Variants in FOXJ3 observed in about 807,000 individuals in gnomAD.
FOXJ3 encodes the protein forkhead box J3.
A neutral mutation model predicts 76.1 loss-of-function variants in FOXJ3; 22 were observed. The observed-to-expected ratio is 0.29, with a 90% CI of 0.21 to 0.41. The LOEUF (loss-of-function observed/expected upper bound fraction) is 0.41. FOXJ3 is among the 10% of genes least tolerant of loss of function. The pLI is 1.00. For synonymous variants in FOXJ3, 269 were observed against 261.2 expected, an observed-to-expected ratio of 1.03 and a Z score of -0.29; for missense variants, 613 against 762.1, an observed-to-expected ratio of 0.80 and a Z score of 2.30.
chr1:42,296,104 TTGAG>T (rs950171021), intron 2 of FOXJ3, among the ~76,000 whole-genome samples: 1 of 152,212 alleles, frequency 6.6e-6, no homozygotes, highest in African/African-American at 2.4e-5. Flanking sequence ...ATTAGTAATG[TTGAG>T]TATTTTTTTC....
intron 2 of FOXJ3, among the ~76,000 whole-genome samples, chr1:42,288,113 A>T (rs967789966): frequency 1.3e-5 from 2 of 152,248 alleles, no homozygotes; most frequent in African/African-American, 4.8e-5. Context: ...TTGAACATTA[A>T]CCAAATGTTT....
intron 5 of FOXJ3, among the ~76,000 whole-genome samples, chr1:42,215,965 A>C (rs1247613965): frequency 6.6e-6 from 1 of 152,132 alleles, no homozygotes; most frequent in African/African-American, 2.4e-5. Context: ...CAGCCTGGTC[A>C]ACATAGTGAG....
chr1:42,179,912 G>T, intron 12 of FOXJ3, 87 bp from the exon 13 acceptor site: 1 of 805,192 alleles, frequency 1.2e-6, no homozygotes, highest in South Asian at 1.5e-5. Context: ...CTTCCTATAT[G>T]CCAGGCACAC....
At chr1:42,220,177 C>A (rs141993162) in intron 5 of FOXJ3, among the ~76,000 whole-genome samples, 32 of 152,242 alleles carry the variant, frequency 2.1e-4, no homozygotes, top group Non-Finnish European at 3.7e-4. Context: ...TTGAATGCGT[C>A]ACTTATATTT....
chr1:42,251,627 G>A (rs1370708710), intron 4 of FOXJ3, among the ~76,000 whole-genome samples: 1 of 151,572 alleles, frequency 6.6e-6, no homozygotes, highest in East Asian at 1.9e-4. Flanking sequence ...TATTGAACCA[G>A]CCTTGCATCC....
At chr1:42,303,461 G>A (rs963809010) in intron 2 of FOXJ3, among the ~76,000 whole-genome samples, 11 of 152,160 alleles carry the variant, frequency 7.2e-5, no homozygotes, top group African/African-American at 1.2e-4. Context: ...CAGAAATGAG[G>A]CAGCAAGAAG....
intron 5 of FOXJ3, among the ~76,000 whole-genome samples, chr1:42,213,939 A>G (rs910230467): frequency 2.6e-5 from 4 of 152,228 alleles, no homozygotes; most frequent in African/African-American, 9.6e-5. Flanking sequence ...ACCACAAATG[A>G]TATCTGAAGT....
Position 42,211,109 on chromosome 1 carries a change from G to A in FOXJ3, c.529-5246C>T, listed in dbSNP as rs374381414. ...GTTTGGCTCTACCCCAAAGTCAGGC[G>A]GCCCTGGTGCTCGTGAAGGGTCTTG... On this transcript the variant is annotated intron_variant, in intron 5 of 12. Transcript: ENST00000361346. 4.6e-5 allele frequency among the ~76,000 whole-genome samples: 7 copies of A among 152,252 alleles called. No homozygotes were observed. In the South Asian group the frequency reaches 8.3e-4, roughly 18 times the overall value.
At chr1:42,232,597 T>C (rs1250715792) in intron 4 of FOXJ3, among the ~76,000 whole-genome samples, 1 of 151,520 alleles carries the variant, frequency 6.6e-6, no homozygotes, top group Non-Finnish European at 1.5e-5. Flanking sequence ...AAATGTCTTC[T>C]TTTGAGAAGT....
At chr1:42,219,962 T>C (rs941737519) in intron 5 of FOXJ3, among the ~76,000 whole-genome samples, 6 of 151,546 alleles carry the variant, frequency 4.0e-5, no homozygotes, top group Non-Finnish European at 8.9e-5. Flanking sequence ...ATTTCCATTT[T>C]CTACCACTGG....
chr1:42,278,269 A>T, intron 3 of FOXJ3, 79 bp downstream of exon 3: 1 of 1,067,860 alleles, frequency 9.4e-7, no homozygotes, highest in Non-Finnish European at 1.4e-6. Flanking sequence ...TTACATGAGC[A>T]TTCACAAAGC....
chr1:42,224,885 G>A (rs1201690883), intron 5 of FOXJ3, among the ~76,000 whole-genome samples: 1 of 151,800 alleles, frequency 6.6e-6, no homozygotes, highest in African/African-American at 2.4e-5. Flanking sequence ...CCAGGAGTTT[G>A]AGACCAGCCT....
intron 4 of FOXJ3, among the ~76,000 whole-genome samples, chr1:42,239,236 G>A (rs1648940112): frequency 6.6e-6 from 1 of 150,888 alleles, no homozygotes; most frequent in Non-Finnish European, 1.5e-5. Flanking sequence ...CAATCTGGAT[G>A]CCTTTTATTT....
intron 1 of FOXJ3, among the ~76,000 whole-genome samples, chr1:42,319,098 C>G (rs1001356581): frequency 6.6e-6 from 1 of 152,076 alleles, no homozygotes; most frequent in East Asian, 1.9e-4. Flanking sequence ...GACATGGTGG[C>G]TGGTGCCTGT....
At chr1:42,320,177 T>A (rs1283302207) in intron 1 of FOXJ3, among the ~76,000 whole-genome samples, 1 of 152,160 alleles carries the variant, frequency 6.6e-6, no homozygotes, top group Non-Finnish European at 1.5e-5. Context: ...TCCTCCATAT[T>A]TTAGGACTAG....
chr1:42,298,928 G>C (rs995767903), intron 2 of FOXJ3, among the ~76,000 whole-genome samples: 2 of 152,070 alleles, frequency 1.3e-5, no homozygotes, highest in Non-Finnish European at 2.9e-5. Flanking sequence ...ATGTTGTTTA[G>C]TTTCCATCTA....
At chr1:42,317,470 G>GT in intron 1 of FOXJ3, among the ~76,000 whole-genome samples, 1 of 140,326 alleles carries the variant, frequency 7.1e-6, no homozygotes, top group South Asian at 2.4e-4. Flanking sequence ...TCACCACAGA[G>GT]TATCTATCAG....
At chr1:42,232,015 T>C (rs549616381) in intron 4 of FOXJ3, among the ~76,000 whole-genome samples, 318 of 151,728 alleles carry the variant, frequency 2.1e-3, no homozygotes, top group Middle Eastern at 3.4e-3. Flanking sequence ...GTTCTCACTG[T>C]TCAATTCCCA....
chr1:42,227,108 T>C (rs1182120517), intron 5 of FOXJ3, among the ~76,000 whole-genome samples: 2 of 152,342 alleles, frequency 1.3e-5, no homozygotes, highest in African/African-American at 2.4e-5. Flanking sequence ...AAATAATTTC[T>C]ACAAAGTGTA....
Sources: gnomAD v4.1 joint callset for allele counts (sites outside exome capture counted in the v4.1 genomes callset) on GRCh38, gnomAD v4.1.1 for gene constraint, MANE v1.5 for transcripts, NCBI Gene and HGNC (gene_info 2026-07-23, HGNC 2026-07-21) for gene names.